Variants in ANGPTL6 observed in about 807,000 individuals in gnomAD.
ANGPTL6 encodes the protein angiopoietin-related protein 6.
Under a neutral mutation model 47.4 loss-of-function variants are expected in ANGPTL6, and 45 were observed. That is an observed-to-expected ratio of 0.95 (90% CI 0.75 to 1.22). The LOEUF is 1.22. Ranked by LOEUF, ANGPTL6 falls within the 50% of genes most tolerant of loss-of-function variation. The probability of loss-of-function intolerance (pLI) is 0.00; values close to 1 mark genes in which losing one functional copy is unlikely to be tolerated. For synonymous variants in ANGPTL6, 290 were observed against 295.9 expected, an observed-to-expected ratio of 0.98 and a Z score of 0.20; for missense variants, 698 against 669.4, an observed-to-expected ratio of 1.04 and a Z score of -0.47.
chr19:10,093,946 C>A, intron 3 of ANGPTL6, 66 bp from the exon 4 acceptor site: 1 of 1,529,062 alleles, frequency 6.5e-7, no homozygotes. Context: ...GAGCAAGAGT[C>A]AAGATTCTCA....
intron 3 of ANGPTL6, among the ~76,000 whole-genome samples, chr19:10,094,204 T>C (rs568804079): frequency 6.6e-6 from 1 of 152,098 alleles, no homozygotes; most frequent in East Asian, 1.9e-4. Flanking sequence ...TGGAGTGCAG[T>C]GGTGCGATCT....
chr19:10,095,714 T>C (rs1236563732), intron 2 of ANGPTL6, among the ~76,000 whole-genome samples: 2 of 152,202 alleles, frequency 1.3e-5, no homozygotes, highest in Non-Finnish European at 2.9e-5. Context: ...GTATAGAATA[T>C]ACATAACACT....
intron 1 of ANGPTL6, among the ~76,000 whole-genome samples, chr19:10,101,254 G>A (rs1053189518): frequency 2.6e-5 from 4 of 151,378 alleles, no homozygotes; most frequent in African/African-American, 9.7e-5. Context: ...CACAGAAGAA[G>A]TGACACTTGA....
chr19:10,102,790 G>A (rs564007863), upstream of ANGPTL6: 85 of 982,390 alleles, frequency 8.7e-5, no homozygotes, highest in African/African-American at 8.4e-4. Flanking sequence ...AGCATTTCCC[G>A]AATGAGAAAT....
At chr19:10,094,394 C>T in intron 3 of ANGPTL6, 1 of 285,334 alleles carries the variant, frequency 3.5e-6, no homozygotes, top group Non-Finnish European at 6.6e-6. Flanking sequence ...GATCCACCCG[C>T]CTCGGCCTCC....
chr19:10,098,598 G>C (rs993838943), intron 1 of ANGPTL6, among the ~76,000 whole-genome samples: 5 of 152,074 alleles, frequency 3.3e-5, no homozygotes, highest in Non-Finnish European at 5.9e-5. Context: ...GCCAAGGTGG[G>C]TGGATCACCT....
chr19:10,102,390 C>T (rs2088702820), intron 1 of ANGPTL6, among the ~76,000 whole-genome samples, 178 bp downstream of exon 1: 1 of 151,374 alleles, frequency 6.6e-6, no homozygotes, highest in Non-Finnish European at 1.5e-5. Context: ...CTGACATGCC[C>T]CACCCCCCAC....
In ANGPTL6 at chr19:10,092,788, A is replaced by C; in HGVS notation, c.1223-9T>G. 1 of 1,577,790 alleles carries C rather than the reference A, an allele frequency of 6.3e-7. No individual in the cohort carries two copies. Among genetic ancestry groups the C allele is most frequent in the African/African-American group, 1.3e-5 (1 of 74,142 alleles). ...GTACAGGGCACAGTTACCTGAGGGG[A>C]GAGAGAGAGTCCATGTCCTCTCACC... On this transcript the variant is annotated splice_polypyrimidine_tract_variant and intron_variant, in intron 5 of 5. Transcript: ENST00000253109.
chr19:10,102,134 A>G lies in ANGPTL6; in HGVS notation c.-11+434T>C, dbSNP rs945030943. ...CTGTCTCAAAAAAAAAAAAAAAAAA[A>G]AAAAGAAATGGCAGAAATGTCTATG... On this transcript the variant is annotated intron_variant, in intron 1 of 5. Coordinates refer to ENST00000253109, the MANE Select transcript of ANGPTL6 (RefSeq NM_031917.3). Among the ~76,000 whole-genome samples the G allele has an allele frequency of 2.0e-3, 308 of 150,256 alleles. 1 individual carries two copies. The highest frequency in any genetic ancestry group is 3.8e-3 in the Non-Finnish European group (256 of 67,324).
At chr19:10,100,916 C>T (rs1275732743) in intron 1 of ANGPTL6, among the ~76,000 whole-genome samples, 3 of 151,402 alleles carry the variant, frequency 2.0e-5, no homozygotes, top group Admixed American at 2.0e-4. Context: ...GCCGAGGTGC[C>T]TGTAATCCCA....
In ANGPTL6 at chr19:10,094,939, C is replaced by A. The variant is rs1264207356; in HGVS notation, c.583-1G>T. On this transcript the variant is annotated splice_acceptor_variant, in intron 2 of 5. Coordinates refer to ENST00000253109, the MANE Select transcript of ANGPTL6 (RefSeq NM_031917.3). LOFTEE classifies it high-confidence loss of function. ...GCACCAGTGGGGGTGGCGGCAGGAC[C>A]TGGGGTGACGGAGAAAGTCAGGTGT... is the stretch of plus-strand genomic sequence containing the variant. 1 of 1,599,530 alleles carries A rather than the reference C, an allele frequency of 6.3e-7. No homozygotes were observed. The highest frequency in any genetic ancestry group is 2.2e-5 in the East Asian group (1 of 44,590).
At position 10,092,496 on chromosome 19, in the gene ANGPTL6, T is replaced by C. The variant is rs569475929; in HGVS notation, c.*93A>G. On this transcript the variant is annotated 3_prime_UTR_variant, in exon 6 of 6. Coordinates refer to ENST00000253109, the MANE Select transcript of ANGPTL6 (RefSeq NM_031917.3). ...ACAGTGGGAAGTTCTGTGGGACACA[T>C]TGGCACTGAGCCACAAAGAAGGTGT... 233 of 1,524,206 alleles carry C rather than the reference T, an allele frequency of 1.5e-4. No homozygotes were observed. The highest frequency in any genetic ancestry group is 8.2e-4 in the African/African-American group (59 of 72,340). 94.4% of individuals were successfully genotyped at this position (1,524,206 alleles called of 1,614,324 possible).
chr19:10,095,001 A>G, intron 2 of ANGPTL6, 63 bp from the exon 3 acceptor site: 1 of 1,454,406 alleles, frequency 6.9e-7, no homozygotes, highest in Non-Finnish European at 9.2e-7. Context: ...GCCTGGTCTC[A>G]GGGGCAGAAA....
Position 10,096,406 on chromosome 19 carries a change from G to C in ANGPTL6, c.158C>G (p.Thr53Arg), listed in dbSNP as rs1473076723. The C allele has an allele frequency of 7.6e-7, 1 of 1,317,506 alleles. No individual in the cohort carries two copies. Among genetic ancestry groups the C allele is most frequent in the African/African-American group, 1.5e-5 (1 of 64,770 alleles). 81.6% of individuals were successfully genotyped at this position (1,317,506 alleles called of 1,614,324 possible). A position where few individuals can be genotyped will look rare whatever the true frequency, so the allele number is the denominator to read the frequency against. The part of the protein sequence containing the change: ...CWSGPASTRA[T>R]PEAANASELA... Reference sequence around the variant, plus strand: ...CTCGCTGGCGTTGGCGGCCTCGGGCGTCGCCCGCGTGGATGCGGGGCCGCT... The same window carrying C: ...CTCGCTGGCGTTGGCGGCCTCGGGCCTCGCCCGCGTGGATGCGGGGCCGCT... Residue 53 changes from threonine to arginine, a missense_variant, in exon 2 of 6, where the codon ACG (threonine) becomes AGG (arginine). Physicochemically the swap from Thr to Arg is moderately conservative, Grantham distance 71. Transcript: ENST00000253109.
chr19:10,105,671 G>T (rs1381118279), upstream of ANGPTL6, among the ~76,000 whole-genome samples: 1 of 151,730 alleles, frequency 6.6e-6, no homozygotes, highest in East Asian at 1.9e-4. Flanking sequence ...GCCAGAGAGA[G>T]CAAGGAGGGA....
chr19:10,096,739 T>C, intron 1 of ANGPTL6, 166 bp from the exon 2 acceptor site: 1 of 517,822 alleles, frequency 1.9e-6, no homozygotes, highest in Non-Finnish European at 3.3e-6. Context: ...GTGATCCCAC[T>C]CTGGCTTCAA....
At position 10,092,657 on chromosome 19, in the gene ANGPTL6, C is replaced by T; in HGVS notation, c.1345G>A (p.Ala449Thr). The T allele has an allele frequency of 6.2e-7, 1 of 1,613,998 alleles. No individual in the cohort carries two copies. Residue 449 changes from alanine (A) to threonine (T), a missense_variant, in exon 6 of 6, where the codon GCT becomes ACT. Physicochemically the swap from Ala to Thr is moderately conservative, Grantham distance 58. Transcript: ENST00000253109. The part of the protein sequence containing the change: ...RSRYQDGVYW[A>T]EFRGGAYSLR... ...GAATATGCCCCACCACGAAACTCAG[C>T]CCAGTAGACACCATCCTGGTAGCGG...
Position 10,102,590 on chromosome 19 carries a change from T to A in ANGPTL6, c.-33A>T. On this transcript the variant is annotated 5_prime_UTR_variant, in exon 1 of 6. Coordinates refer to ENST00000253109, the MANE Select transcript of ANGPTL6 (RefSeq NM_031917.3). ...CACCTCTGATGCCCAAGACCCTGAA[T>A]CCAGCGAAGCTCACAGAACACACAA... 1 of 984,460 alleles carries A rather than the reference T, an allele frequency of 1.0e-6. No homozygotes were observed. The highest frequency in any genetic ancestry group is 1.2e-6 in the Non-Finnish European group (1 of 829,336). The allele number at this position is 984,460 out of a possible 1,614,324, so 61.0% of individuals were successfully genotyped here. A position where few individuals can be genotyped will look rare whatever the true frequency, so the allele number is the denominator to read the frequency against.
Position 10,093,722 on chromosome 19 carries a change from T to C in ANGPTL6, c.922A>G (p.Asn308Asp). The C allele has an allele frequency of 6.2e-7, 1 of 1,614,254 alleles. No homozygotes were observed. Among genetic ancestry groups the C allele is most frequent in the Non-Finnish European group, 8.5e-7 (1 of 1,180,050 alleles). Residue 308 changes from asparagine to aspartate, a missense_variant, in exon 4 of 6, where the codon AAC (asparagine) becomes GAC (aspartate). Asn to Asp is a conservative substitution (Grantham distance 23, BLOSUM62 1). Transcript: ENST00000253109. ...TAGTGCTGCCAGGTAGTGAAGAAGT[T>C]GACTGAACCATCTTGCCTCCGCTGG... ...VIQRRQDGSV[N>D]FFTTWQHYKA...
Sources: gnomAD v4.1 joint callset for allele counts (sites outside exome capture counted in the v4.1 genomes callset) on GRCh38, gnomAD v4.1.1 for gene constraint, MANE v1.5 for transcripts, NCBI Gene and HGNC (gene_info 2026-07-23, HGNC 2026-07-21) for gene names.